Variants in CACNA1A observed in about 807,000 individuals in gnomAD.
The protein encoded by CACNA1A is voltage-dependent P/Q-type calcium channel subunit alpha-1A.
In CACNA1A, 57 loss-of-function variants were observed where a neutral mutation model predicts 262.4. That is an observed-to-expected ratio of 0.22 (90% CI 0.18 to 0.27). CACNA1A has a LOEUF of 0.27. Among genes scored for constraint, CACNA1A ranks in the 10% least tolerant of loss-of-function variants. The probability of loss-of-function intolerance (pLI) is 1.00; values close to 1 mark genes in which losing one functional copy is unlikely to be tolerated. For missense variants in CACNA1A, 2,526 were observed against 3,562.8 expected, an observed-to-expected ratio of 0.71 and a Z score of 7.41; for synonymous variants, 1,431 against 1,419.3, an observed-to-expected ratio of 1.01 and a Z score of -0.18.
In CACNA1A at chr19:13,506,376, T is replaced by C. The variant is rs1276895118; in HGVS notation, c.-152A>G. ...CGGAGACGCTCCACGGCCCAGCCCA[T>C]CGGGCGGCGGCGGCTCGGCGCCTCG... On this transcript the variant is annotated 5_prime_UTR_variant, in exon 1 of 47. It removes an upstream start codon present in the reference 5' UTR. Coordinates refer to ENST00000360228, the MANE Select transcript of CACNA1A (RefSeq NM_001127222.2). The C allele has an allele frequency of 1.6e-6, 1 of 614,734 alleles. No individual in the cohort carries two copies. The highest frequency in any genetic ancestry group is 2.4e-6 in the Non-Finnish European group (1 of 422,424). The allele number at this position is 614,734 out of a possible 1,614,324, so 38.1% of individuals were successfully genotyped here.
At chr19:13,320,954 T>TAG (rs2058239252) in intron 10 of CACNA1A, among the ~76,000 whole-genome samples, 2 of 152,100 alleles carry the variant, frequency 1.3e-5, no homozygotes, top group Admixed American at 6.5e-5. Context: ...AAGTACATCC[T>TAG]AGTTCAGGGT....
intron 17 of CACNA1A, among the ~76,000 whole-genome samples, chr19:13,300,899 A>T (rs1175747563): frequency 6.6e-6 from 1 of 152,026 alleles, no homozygotes; most frequent in Non-Finnish European, 1.5e-5. Context: ...AAAAATAAAA[A>T]TGTCCCTTCT....
intron 11 of CACNA1A, 80 bp downstream of exon 11, chr19:13,317,032 C>G: frequency 1.5e-5 from 13 of 886,154 alleles, no homozygotes; most frequent in Non-Finnish European, 2.3e-5. Flanking sequence ...GATACACATA[C>G]TACCAGAGAA....
chr19:13,270,363 A>G (rs2056986294), intron 24 of CACNA1A, among the ~76,000 whole-genome samples: 1 of 136,394 alleles, frequency 7.3e-6, no homozygotes, highest in Non-Finnish European at 1.5e-5. Flanking sequence ...GGACAGACAA[A>G]GCAAGTTAAA....
In CACNA1A at chr19:13,212,386, G is replaced by C; in HGVS notation, c.6187C>G (p.Gln2063Glu). ...TDMPNSQPNS[Q>E]SVEMREMGRD... The stretch of plus-strand genomic sequence containing the variant: ...GGGGAGTTGGGGGACAGAGGCACCT[G>C]AGAGTTAGGCTGGCTGTTGGGCATG... Residue 2063 changes from glutamine (Q) to glutamate (E), a missense_variant and splice_region_variant, in exon 42 of 47, where the codon CAG becomes GAG. Physicochemically the swap from Gln to Glu is conservative, Grantham distance 29 (BLOSUM62 2). This residue lies in a region of CACNA1A where 929 missense variants were observed against 868.1 expected (regional missense o/e 1.07). Transcript: ENST00000360228. The surrounding 1 kb of genome is among the most constrained non-coding windows in gnomAD (Gnocchi z 5.6). 1.2e-6 allele frequency: 2 copies of C among 1,613,698 alleles called. No individual in the cohort carries two copies. The highest frequency in any genetic ancestry group is 4.5e-5 in the East Asian group (2 of 44,876).
chr19:13,319,045 T>C (rs1020057051), intron 10 of CACNA1A, among the ~76,000 whole-genome samples: 2 of 151,844 alleles, frequency 1.3e-5, no homozygotes, highest in Non-Finnish European at 2.9e-5. Context: ...CGTACCACCA[T>C]GCCCGCTTAA....
chr19:13,465,969 T>A (rs1025052451), intron 1 of CACNA1A, among the ~76,000 whole-genome samples: 5 of 152,102 alleles, frequency 3.3e-5, no homozygotes, highest in Non-Finnish European at 2.9e-5. Flanking sequence ...AGAGACAGAA[T>A]GCAGATGGGT....
intron 5 of CACNA1A, 130 bp from the exon 6 acceptor site, chr19:13,359,929 G>T: frequency 2.0e-6 from 1 of 495,994 alleles, no homozygotes; most frequent in Non-Finnish European, 3.4e-6. Context: ...AGTCTTCAAA[G>T]AGATCAATGT....
intron 3 of CACNA1A, among the ~76,000 whole-genome samples, chr19:13,443,761 T>C (rs1333991060): frequency 6.6e-6 from 1 of 152,174 alleles, no homozygotes; most frequent in South Asian, 2.1e-4. Flanking sequence ...TACAGCTCTT[T>C]GCTGAACTTA....
intron 10 of CACNA1A, among the ~76,000 whole-genome samples, chr19:13,326,895 CTTTT>C (rs950530404): frequency 6.8e-6 from 1 of 147,540 alleles, no homozygotes; most frequent in East Asian, 2.0e-4. Context: ...TGTATTATTA[CTTTT>C]TTTTGTTTTT....
chr19:13,432,028 C>T (rs1459920807), intron 3 of CACNA1A, among the ~76,000 whole-genome samples: 1 of 147,196 alleles, frequency 6.8e-6, no homozygotes, highest in Non-Finnish European at 1.5e-5. Flanking sequence ...TCGCTTGAAC[C>T]CGGGAGGCTG....
intron 1 of CACNA1A, among the ~76,000 whole-genome samples, chr19:13,466,957 C>T (rs2061256435): frequency 6.6e-6 from 1 of 150,936 alleles, no homozygotes; most frequent in Admixed American, 6.6e-5. Context: ...TAGTCTCAAA[C>T]TCCTGGGCTC....
intron 1 of CACNA1A, among the ~76,000 whole-genome samples, chr19:13,486,920 C>T (rs866970190): frequency 2.6e-5 from 4 of 152,118 alleles, no homozygotes; most frequent in Non-Finnish European, 4.4e-5. Context: ...TCCCTACACA[C>T]GCAGCCTCTC....
chr19:13,257,749 T>G (rs2056610465), intron 27 of CACNA1A, 198 bp from the exon 28 acceptor site: 2 of 439,902 alleles, frequency 4.5e-6, no homozygotes, highest in Admixed American at 3.9e-5. Flanking sequence ...TTAATTTTAA[T>G]TTTTTGAGAT....
intron 29 of CACNA1A, among the ~76,000 whole-genome samples, chr19:13,254,362 T>C (rs1317539902): frequency 2.6e-5 from 4 of 151,714 alleles, no homozygotes; most frequent in Non-Finnish European, 5.9e-5. Context: ...TCTTTCTTTT[T>C]CTTTTCTTTT....
chr19:13,430,846 G>C (rs1340155403), intron 3 of CACNA1A, among the ~76,000 whole-genome samples: 1 of 152,018 alleles, frequency 6.6e-6, no homozygotes, highest in Non-Finnish European at 1.5e-5. Flanking sequence ...GCACAGTGCA[G>C]GTGAGGCAGT....
chr19:13,255,858 T>G (rs931574387), intron 28 of CACNA1A, among the ~76,000 whole-genome samples: 3 of 144,660 alleles, frequency 2.1e-5, no homozygotes, highest in Non-Finnish European at 4.6e-5. Flanking sequence ...CCTTTCTCCT[T>G]TCCTTTCTCT....
At chr19:13,354,859 TTTTC>T (rs1157550498) in intron 6 of CACNA1A, among the ~76,000 whole-genome samples, 37 of 116,676 alleles carry the variant, frequency 3.2e-4, no homozygotes, top group African/African-American at 1.1e-3. Flanking sequence ...GGGAGGATGC[TTTTC>T]TTTTTCTTTT....
intron 3 of CACNA1A, among the ~76,000 whole-genome samples, chr19:13,405,323 G>T (rs2144713116): frequency 6.6e-6 from 1 of 152,186 alleles, no homozygotes. Flanking sequence ...CTCCCAAGTA[G>T]CTGGAACTAC....
Sources: allele counts gnomAD v4.1 joint callset (sites outside exome capture counted in the v4.1 genomes callset), GRCh38; gene constraint gnomAD v4.1.1; regional missense constraint gnomAD v4.1.1; non-coding constraint Gnocchi (gnomAD v3.1); transcripts MANE v1.5; gene names NCBI Gene and HGNC (gene_info 2026-07-23, HGNC 2026-07-21).